Variants in PXK observed in about 807,000 individuals in gnomAD.
The protein encoded by PXK is PX domain-containing protein kinase-like protein.
A neutral mutation model predicts 84.7 loss-of-function variants in PXK; 35 were observed. The observed-to-expected ratio is 0.41, with a 90% CI of 0.32 to 0.55. The LOEUF is 0.55. PXK is among the 20% of genes least tolerant of loss of function. The pLI is 0.21. For missense variants in PXK, 634 were observed against 699.7 expected, an observed-to-expected ratio of 0.91 and a Z score of 1.06; for synonymous variants, 253 against 260.8, an observed-to-expected ratio of 0.97 and a Z score of 0.29.
rs572165994 is a variant in PXK, at chr3:58,347,529, T to G, written c.102+14439T>G. The stretch of plus-strand genomic sequence containing the variant: ...TTGGTCTGGCTTCTTTTACTTAACG[T>G]AAAGCTTTGAAATTCTTCTATGATG... On this transcript the variant is annotated intron_variant, in intron 1 of 17. Transcript: ENST00000356151. Among the ~76,000 whole-genome samples the G allele has an allele frequency of 8.4e-4, 128 of 152,334 alleles. No individual in the cohort carries two copies. In the East Asian group the frequency reaches 0.016, roughly 19 times the overall value.
At chr3:58,351,684 C>T (rs1483468606) in intron 1 of PXK, among the ~76,000 whole-genome samples, 1 of 150,972 alleles carries the variant, frequency 6.6e-6, no homozygotes, top group Non-Finnish European at 1.5e-5. Context: ...ACCTGAAAAA[C>T]GTAGGAAAAA....
intron 1 of PXK, among the ~76,000 whole-genome samples, chr3:58,349,028 C>G (rs934294621): frequency 2.6e-5 from 4 of 152,206 alleles, no homozygotes; most frequent in African/African-American, 7.2e-5. Flanking sequence ...ATCAGATGCT[C>G]AGTAGCCACA....
At chr3:58,417,845 GCTAT>G (rs1351056706) in intron 17 of PXK, among the ~76,000 whole-genome samples, 4 of 152,134 alleles carry the variant, frequency 2.6e-5, no homozygotes, top group African/African-American at 7.2e-5. Flanking sequence ...CTGTTGCCTT[GCTAT>G]CTGTTTTTTT....
intron 3 of PXK, among the ~76,000 whole-genome samples, chr3:58,371,740 G>C (rs1440927038): frequency 6.6e-6 from 1 of 152,090 alleles, no homozygotes; most frequent in African/African-American, 2.4e-5. Context: ...CTTTTAAAAT[G>C]GGGACTTTCA....
rs1382386549 is a variant in PXK, at chr3:58,421,258, C to T, written c.1529-3494C>T. 1 of 985,274 alleles carries T rather than the reference C, an allele frequency of 1.0e-6. No homozygotes were observed. Among genetic ancestry groups the T allele is most frequent in the African/African-American group, 1.7e-5 (1 of 57,224 alleles). 61.0% of individuals were successfully genotyped at this position (985,274 alleles called of 1,614,324 possible). ...AATTAGAGAGACTGTAGATTACCCA[C>T]TGCTGGCTGCTAACATGGGCCTAAG... On this transcript the variant is annotated intron_variant, in intron 17 of 17. Coordinates refer to ENST00000356151, the MANE Select transcript of PXK (RefSeq NM_017771.5). This position sits in a 1 kb window ranked among gnomAD's most constrained non-coding sequence, Gnocchi z 5.5.
rs1364928198 is a variant in PXK at position 58,364,147 on chromosome 3, TG to T, written c.103-1725del. Among the ~76,000 whole-genome samples the T allele has an allele frequency of 6.6e-6, 1 of 152,218 alleles. No individual in the cohort carries two copies. Among genetic ancestry groups the T allele is most frequent in the Non-Finnish European group, 1.5e-5 (1 of 68,044 alleles). ...TGCTGAATTCAATTTACTAATATTTTGGTAAGGATTTTTGAGCCTATGTTTG... is the reference window on the plus strand; with the variant it reads ...TGCTGAATTCAATTTACTAATATTTTGTAAGGATTTTTGAGCCTATGTTTG... On this transcript the variant is annotated intron_variant, in intron 1 of 17. Transcript: ENST00000356151. The surrounding 1 kb of genome is among the most constrained non-coding windows in gnomAD (Gnocchi z 4.3).
At chr3:58,339,383 C>A (rs1156958283) in intron 1 of PXK, among the ~76,000 whole-genome samples, 1 of 151,830 alleles carries the variant, frequency 6.6e-6, no homozygotes, top group Non-Finnish European at 1.5e-5. Context: ...GCGCCACGTA[C>A]CATGCTCGGC....
chr3:58,350,916 T>C (rs542385038), intron 1 of PXK, among the ~76,000 whole-genome samples: 1 of 152,292 alleles, frequency 6.6e-6, no homozygotes, highest in East Asian at 1.9e-4. Context: ...TCCTAAGTGA[T>C]GGTGACCATT....
Position 58,411,774 on chromosome 3 carries a change from T to C in PXK, c.1466-1127T>C, listed in dbSNP as rs1388986938. ...CCCAAACTTTACTGGAGTCAAGCAGTGAAGCTTCTCCCCATTAAAGTTCAT... is the reference window on the plus strand; with the variant it reads ...CCCAAACTTTACTGGAGTCAAGCAGCGAAGCTTCTCCCCATTAAAGTTCAT... On this transcript the variant is annotated intron_variant, in intron 16 of 17. Transcript: ENST00000356151. The surrounding 1 kb of genome is among the most constrained non-coding windows in gnomAD (Gnocchi z 4.2). 6.6e-6 allele frequency among the ~76,000 whole-genome samples: 1 copy of C among 152,122 alleles called. No homozygotes were observed. Among genetic ancestry groups the C allele is most frequent in the African/African-American group, 2.4e-5 (1 of 41,418 alleles).
rs1560069055 is a variant in PXK, at chr3:58,398,288, C to G, written c.1102+566C>G. Among the ~76,000 whole-genome samples, 1 of 152,180 alleles carries G rather than the reference C, an allele frequency of 6.6e-6. No homozygotes were observed. Among genetic ancestry groups the G allele is most frequent in the Non-Finnish European group, 1.5e-5 (1 of 68,040 alleles). ...TGGAGGTGCATGCCTGTAATCCCAG[C>G]TTTTTGGGAGGCTGAGGCACGAGAA... is the stretch of plus-strand genomic sequence containing the variant. On this transcript the variant is annotated intron_variant, in intron 11 of 17. Coordinates refer to ENST00000356151, the MANE Select transcript of PXK (RefSeq NM_017771.5). The surrounding 1 kb of genome is among the most constrained non-coding windows in gnomAD (Gnocchi z 4.5).
rs2058451216 is a variant in PXK, at chr3:58,400,843, G to A, written c.1181+1466G>A. Among the ~76,000 whole-genome samples, 1 of 152,168 alleles carries A rather than the reference G, an allele frequency of 6.6e-6. No homozygotes were observed. Among genetic ancestry groups the A allele is most frequent in the Non-Finnish European group, 1.5e-5 (1 of 68,036 alleles). ...AGGCAGAAGAATCACTTGAACTGGG[G>A]AGGCAGAGGTTGCAGTGAGCCAAGA... On this transcript the variant is annotated intron_variant, in intron 12 of 17. Coordinates refer to ENST00000356151, the MANE Select transcript of PXK (RefSeq NM_017771.5). This position sits in a 1 kb window ranked among gnomAD's most constrained non-coding sequence, Gnocchi z 4.0.
chr3:58,390,802 C>T lies in PXK; in HGVS notation c.466+143C>T, dbSNP rs2098622229. 1 of 729,280 alleles carries T rather than the reference C, an allele frequency of 1.4e-6. No homozygotes were observed. Among genetic ancestry groups the T allele is most frequent in the Non-Finnish European group, 2.2e-6 (1 of 455,834 alleles). The allele number at this position is 729,280 out of a possible 1,614,324, so 45.2% of individuals were successfully genotyped here. A position where few individuals can be genotyped will look rare whatever the true frequency, so the allele number is the denominator to read the frequency against. ...TTTGCATATCAACTGCTTGAGGATA[C>T]AGCTGGTAACTTTTAATACTTAATG... On this transcript the variant is annotated intron_variant, in intron 5 of 17. Transcript: ENST00000356151. This position sits in a 1 kb window ranked among gnomAD's most constrained non-coding sequence, Gnocchi z 4.2.
chr3:58,334,132 T>C (rs2097546426), intron 1 of PXK, among the ~76,000 whole-genome samples: 2 of 152,218 alleles, frequency 1.3e-5, no homozygotes, highest in Admixed American at 1.3e-4. Context: ...CTTCTGTTTC[T>C]CTTTTCGTTC....
At chr3:58,357,569 CAT>C (rs1462404672) in intron 1 of PXK, among the ~76,000 whole-genome samples, 1 of 152,194 alleles carries the variant, frequency 6.6e-6, no homozygotes, top group South Asian at 2.1e-4. Context: ...ACTACAAACA[CAT>C]GAGTAATCCA....
rs1366884618 is a variant in PXK, at chr3:58,385,114, G to C, written c.388+2414G>C. Among the ~76,000 whole-genome samples the C allele has an allele frequency of 6.6e-6, 1 of 152,066 alleles. No homozygotes were observed. Among genetic ancestry groups the C allele is most frequent in the Non-Finnish European group, 1.5e-5 (1 of 68,012 alleles). Reference sequence around the variant, plus strand: ...TGCCCCACATGCTGTTGTTGTCTTTGATCTCTACTCCCCCTCCCCACCCCC... The same window carrying C: ...TGCCCCACATGCTGTTGTTGTCTTTCATCTCTACTCCCCCTCCCCACCCCC... On this transcript the variant is annotated intron_variant, in intron 4 of 17. Coordinates refer to ENST00000356151, the MANE Select transcript of PXK (RefSeq NM_017771.5). The surrounding 1 kb of genome is among the most constrained non-coding windows in gnomAD (Gnocchi z 5.1).
Position 58,390,621 on chromosome 3 carries a change from A to T in PXK, c.428A>T (p.Glu143Val). ...LQQVSMFFRS[E>V]PKWEVVEPLK... Reference sequence around the variant, plus strand: ...CAGGTTTCCATGTTCTTCCGATCAGAACCAAAGTGGGAGGTGGTGGAACCT... The same window carrying T: ...CAGGTTTCCATGTTCTTCCGATCAGTACCAAAGTGGGAGGTGGTGGAACCT... Residue 143 changes from glutamate (E) to valine (V), a missense_variant, in exon 5 of 18, where the codon GAA (glutamate) becomes GTA (valine). Glu to Val is a moderately radical substitution (Grantham distance 121, BLOSUM62 -2). This residue lies in a region of PXK where 353 missense variants were observed against 385.2 expected (regional missense o/e 0.92). Transcript: ENST00000356151. The surrounding 1 kb of genome is among the most constrained non-coding windows in gnomAD (Gnocchi z 4.2). 1 of 1,613,666 alleles carries T rather than the reference A, an allele frequency of 6.2e-7. No individual in the cohort carries two copies. The highest frequency in any genetic ancestry group is 1.3e-5 in the African/African-American group (1 of 75,060).
rs71091375 is a variant in PXK at position 58,378,512 on chromosome 3, T to TTG, written c.202-3961_202-3960dup. On this transcript the variant is annotated intron_variant, in intron 3 of 17. Coordinates refer to ENST00000356151, the MANE Select transcript of PXK (RefSeq NM_017771.5). ...TTCTTCTTTTTTTTTTTTTTTTTTTTTGTGTGTGTGTGTGTGTGTGTGTGT... is the reference window on the plus strand; with the variant it reads ...TTCTTCTTTTTTTTTTTTTTTTTTTTTGTGTGTGTGTGTGTGTGTGTGTGTGT... 8.5e-3 allele frequency among the ~76,000 whole-genome samples: 246 copies of TTG among 28,988 alleles called. 2 individuals carry two copies. The highest frequency in any genetic ancestry group is 0.02 in the African/African-American group (146 of 7,414). 19.0% of individuals were successfully genotyped at this position (28,988 alleles called of 152,430 possible). A position where few individuals can be genotyped will look rare whatever the true frequency, so the allele number is the denominator to read the frequency against.
rs999179179 is a variant in PXK, at chr3:58,421,217, C to T, written c.1529-3535C>T. The T allele has an allele frequency of 4.7e-5, 46 of 985,222 alleles. No individual in the cohort carries two copies. Among genetic ancestry groups the T allele is most frequent in the Non-Finnish European group, 5.3e-5 (44 of 829,920 alleles). The allele number at this position is 985,222 out of a possible 1,614,324, so 61.0% of individuals were successfully genotyped here. On this transcript the variant is annotated intron_variant, in intron 17 of 17. Transcript: ENST00000356151. The surrounding 1 kb of genome is among the most constrained non-coding windows in gnomAD (Gnocchi z 5.5). ...ACTTGGCCTCCCTTCCTGTATGTGACCACAAAGGAGCTCAGAATTAGAGAG... is the reference window on the plus strand; with the variant it reads ...ACTTGGCCTCCCTTCCTGTATGTGATCACAAAGGAGCTCAGAATTAGAGAG...
chr3:58,368,464 AGGT>A (rs2098311863), intron 2 of PXK, among the ~76,000 whole-genome samples: 1 of 152,166 alleles, frequency 6.6e-6, no homozygotes, highest in Non-Finnish European at 1.5e-5. Flanking sequence ...CTGAGGCTAC[AGGT>A]GCTCGCCACC....
Sources: allele counts gnomAD v4.1 joint callset (sites outside exome capture counted in the v4.1 genomes callset), GRCh38; gene constraint gnomAD v4.1.1; regional missense constraint gnomAD v4.1.1; non-coding constraint Gnocchi (gnomAD v3.1); transcripts MANE v1.5; gene names NCBI Gene and HGNC (gene_info 2026-07-23, HGNC 2026-07-21).